PARN: variants seen among roughly 807,000 people sequenced by gnomAD.
PARN encodes the protein poly(A)-specific ribonuclease.
A neutral mutation model predicts 102.8 loss-of-function variants in PARN; 71 were observed. The observed-to-expected ratio is 0.69, with a 90% CI of 0.57 to 0.84. The LOEUF is 0.84. PARN is among the 40% of genes least tolerant of loss of function. The pLI is 0.00. For synonymous variants in PARN, 261 were observed against 252.9 expected (o/e 1.03, Z -0.30); for missense variants, 782 against 760.9 (o/e 1.03, Z -0.33).
At chr16:14,581,916 C>T (rs915570475) in intron 17 of PARN, among the ~76,000 whole-genome samples, 3 of 152,112 alleles carry the variant, frequency 2.0e-5, no homozygotes, top group Non-Finnish European at 2.9e-5. Flanking sequence ...AAAAAAGAGG[C>T]GGCACAGCTT....
chr16:14,612,182 T>C (rs1174442280), intron 6 of PARN, among the ~76,000 whole-genome samples: 1 of 152,178 alleles, frequency 6.6e-6, no homozygotes, highest in Non-Finnish European at 1.5e-5. Flanking sequence ...CTCACGCCTA[T>C]AATCCAACCA....
At chr16:14,458,783 C>T (rs1047935805) in intron 22 of PARN, among the ~76,000 whole-genome samples, 2 of 152,292 alleles carry the variant, frequency 1.3e-5, no homozygotes, top group East Asian at 3.9e-4. Flanking sequence ...AGCCAGGGCA[C>T]TGGTATCACC....
chr16:14,625,138 G>C (rs1310356099), intron 5 of PARN, among the ~76,000 whole-genome samples: 2 of 151,710 alleles, frequency 1.3e-5, no homozygotes, highest in Non-Finnish European at 2.9e-5. Flanking sequence ...GGTACTGCTA[G>C]AAAACTATAT....
At chr16:14,584,671 C>T (rs1247188183) in intron 15 of PARN, 78 bp downstream of exon 15, 9 of 1,036,752 alleles carry the variant, frequency 8.7e-6, no homozygotes, top group East Asian at 2.4e-5. Context: ...AAACCTTTTG[C>T]CAGAAGGCTA....
chr16:14,516,606 G>A (rs1024528449), intron 21 of PARN, among the ~76,000 whole-genome samples: 4 of 152,116 alleles, frequency 2.6e-5, no homozygotes, highest in African/African-American at 9.7e-5. Context: ...TGAATCAAGG[G>A]TTCTTTCATA....
At chr16:14,511,782 C>A (rs1019668659) in intron 21 of PARN, among the ~76,000 whole-genome samples, 1 of 152,170 alleles carries the variant, frequency 6.6e-6, no homozygotes, top group Non-Finnish European at 1.5e-5. Context: ...CTTACTGCAG[C>A]CTCGAACTCC....
chr16:14,621,593 C>T (rs1350926231), intron 5 of PARN, among the ~76,000 whole-genome samples: 1 of 151,590 alleles, frequency 6.6e-6, no homozygotes, highest in Non-Finnish European at 1.5e-5. Context: ...AGGCAGATCA[C>T]GAGGTCAAGA....
At chr16:14,611,566 A>G (rs1402130483) in intron 6 of PARN, among the ~76,000 whole-genome samples, 1 of 152,150 alleles carries the variant, frequency 6.6e-6, no homozygotes, top group African/African-American at 2.4e-5. Flanking sequence ...GTTGTGAGAC[A>G]GTCTTACTCT....
At chr16:14,619,560 G>A (rs922590396) in intron 5 of PARN, among the ~76,000 whole-genome samples, 2 of 151,876 alleles carry the variant, frequency 1.3e-5, no homozygotes, top group Non-Finnish European at 2.9e-5. Context: ...CCAAGACTTC[G>A]AGACCAGCCT....
intron 21 of PARN, among the ~76,000 whole-genome samples, chr16:14,508,498 G>A (rs938594045): frequency 3.3e-5 from 5 of 152,104 alleles, no homozygotes; most frequent in Admixed American, 6.6e-5. Context: ...CTGATTTAGA[G>A]GATCTAAAAA....
intron 15 of PARN, 75 bp from the exon 16 acceptor site, chr16:14,584,497 C>A: frequency 2.5e-6 from 3 of 1,217,980 alleles, no homozygotes; most frequent in Admixed American, 4.0e-5. Context: ...CACTGACCCC[C>A]CCAAAAAAAA....
chr16:14,455,005 G>A (rs911742625), intron 22 of PARN, among the ~76,000 whole-genome samples: 3 of 152,136 alleles, frequency 2.0e-5, no homozygotes, highest in Non-Finnish European at 4.4e-5. Flanking sequence ...TGATATAGAC[G>A]TTTGTTAACA....
At chr16:14,569,327 C>A (rs1478832041) in intron 18 of PARN, among the ~76,000 whole-genome samples, 1 of 152,144 alleles carries the variant, frequency 6.6e-6, no homozygotes, top group African/African-American at 2.4e-5. Flanking sequence ...AACAACCACC[C>A]TTTCTGCACA....
intron 23 of PARN, among the ~76,000 whole-genome samples, chr16:14,438,787 T>C (rs1277037808): frequency 6.6e-6 from 1 of 152,202 alleles, no homozygotes; most frequent in Non-Finnish European, 1.5e-5. Flanking sequence ...TAGTTTTCAC[T>C]GTCTACCTGT....
chr16:14,529,274 A>G (rs1257689514), intron 21 of PARN, among the ~76,000 whole-genome samples: 3 of 152,178 alleles, frequency 2.0e-5, no homozygotes, highest in Non-Finnish European at 4.4e-5. Flanking sequence ...TTGGCGTTGG[A>G]AAGGTAGATT....
Position 14,539,416 on chromosome 16 carries a change from C to A in PARN, c.1480+12605G>T, listed in dbSNP as rs1596614056. 1.3e-5 allele frequency among the ~76,000 whole-genome samples: 2 copies of A among 152,176 alleles called. 1 individual carries two copies. The highest frequency in any genetic ancestry group is 4.1e-4 in the South Asian group (2 of 4,820). The stretch of plus-strand genomic sequence containing the variant: ...GAAAGCTTTTTGCTCTATTCTCATA[C>A]CAGTTAATGCCCTAAAGAATGCTAA... On this transcript the variant is annotated intron_variant, in intron 21 of 23. Coordinates refer to ENST00000437198, the MANE Select transcript of PARN (RefSeq NM_002582.4).
chr16:14,514,388 G>A (rs1228220347), intron 21 of PARN, among the ~76,000 whole-genome samples: 3 of 151,890 alleles, frequency 2.0e-5, no homozygotes, highest in Admixed American at 6.6e-5. Flanking sequence ...GGGTTTCACC[G>A]TGTTAGCCAG....
At chr16:14,607,867 A>G (rs1971289828) in intron 9 of PARN, among the ~76,000 whole-genome samples, 1 of 152,204 alleles carries the variant, frequency 6.6e-6, no homozygotes, top group South Asian at 2.1e-4. Context: ...GGAAAAATAC[A>G]CACACAAAAG....
intron 12 of PARN, among the ~76,000 whole-genome samples, chr16:14,593,980 G>A (rs1452387653): frequency 6.6e-6 from 1 of 151,658 alleles, no homozygotes; most frequent in Non-Finnish European, 1.5e-5. Flanking sequence ...CTGGGCAACA[G>A]AGTGAGACCC....
Sources: gnomAD v4.1 joint callset for allele counts (sites outside exome capture counted in the v4.1 genomes callset) on GRCh38, gnomAD v4.1.1 for gene constraint, MANE v1.5 for transcripts, NCBI Gene and HGNC (gene_info 2026-07-23, HGNC 2026-07-21) for gene names.